The following KCNAB1 variants were observed in gnomAD, a reference collection of about 807,000 sequenced individuals.
KCNAB1 encodes the protein potassium voltage-gated channel subfamily A regulatory beta subunit 1.
In KCNAB1, 35 loss-of-function variants were observed where a neutral mutation model predicts 64.6. That is an observed-to-expected ratio of 0.54 (90% CI 0.41 to 0.72). The LOEUF (loss-of-function observed/expected upper bound fraction) is 0.72. Ranked by LOEUF, KCNAB1 falls within the 30% of genes least tolerant of loss-of-function variation. KCNAB1 has a pLI of 0.00. For missense variants in KCNAB1, 401 were observed against 512.9 expected (o/e 0.78, Z 2.11); for synonymous variants, 177 against 183.8 (o/e 0.96, Z 0.30).
intron 2 of KCNAB1, among the ~76,000 whole-genome samples, chr3:156,443,206 G>A (rs754725222): frequency 2.6e-5 from 4 of 152,004 alleles, no homozygotes; most frequent in East Asian, 1.9e-4. Flanking sequence ...TCTCACCGCC[G>A]CCCCCTCAAC....
intron 2 of KCNAB1, among the ~76,000 whole-genome samples, chr3:156,440,569 T>C (rs1381047205): frequency 6.6e-6 from 1 of 152,254 alleles, no homozygotes; most frequent in African/African-American, 2.4e-5. Flanking sequence ...TGATTTACTA[T>C]TGCTCCATTT....
intron 1 of KCNAB1, among the ~76,000 whole-genome samples, chr3:156,148,663 C>G (rs1484189809): frequency 6.6e-6 from 1 of 152,186 alleles, no homozygotes; most frequent in African/African-American, 2.4e-5. Context: ...GCATGGGAAC[C>G]TAAGTGCTCC....
chr3:156,179,411 T>G (rs1305696521), intron 1 of KCNAB1, among the ~76,000 whole-genome samples: 1 of 148,062 alleles, frequency 6.8e-6, no homozygotes, highest in Non-Finnish European at 1.5e-5. Context: ...ATTCCCTGGT[T>G]TGGAACCCCC....
rs201442431 is a variant in KCNAB1, at chr3:156,127,920, C to T, written c.275+7034C>T. 1.3e-4 allele frequency among the ~76,000 whole-genome samples: 9 copies of T among 67,802 alleles called. No homozygotes were observed. The South Asian group carries it at 2.1e-3, about 16-fold the overall frequency. 44.5% of individuals were successfully genotyped at this position (67,802 alleles called of 152,430 possible). On this transcript the variant is annotated intron_variant, in intron 1 of 13. Coordinates refer to ENST00000490337, the MANE Select transcript of KCNAB1 (RefSeq NM_172160.3). Reference sequence around the variant, plus strand: ...GTGTGTGTGTGTGTGTGTGTGTGTGCACGTGCGTGCGCACCTGGTTTCTTC... The same window carrying T: ...GTGTGTGTGTGTGTGTGTGTGTGTGTACGTGCGTGCGCACCTGGTTTCTTC...
At chr3:156,141,808 G>T (rs966213493) in intron 1 of KCNAB1, among the ~76,000 whole-genome samples, 1 of 152,210 alleles carries the variant, frequency 6.6e-6, no homozygotes, top group Non-Finnish European at 1.5e-5. Context: ...GTGTCATATA[G>T]TAAGTTTGGA....
chr3:156,230,942 C>T (rs1716484719), intron 1 of KCNAB1, among the ~76,000 whole-genome samples: 1 of 152,334 alleles, frequency 6.6e-6, no homozygotes, highest in South Asian at 2.1e-4. Flanking sequence ...AAACAGCCTT[C>T]AGCCTCCCTC....
intron 1 of KCNAB1, among the ~76,000 whole-genome samples, chr3:156,214,297 C>T (rs1330110859): frequency 6.6e-6 from 1 of 152,102 alleles, no homozygotes; most frequent in Non-Finnish European, 1.5e-5. Flanking sequence ...GTCTGGGGAA[C>T]TGCTACTTAT....
chr3:156,511,754 GCA>G (rs1227325618), intron 8 of KCNAB1, among the ~76,000 whole-genome samples: 1 of 152,134 alleles, frequency 6.6e-6, no homozygotes. Context: ...ATTCTCCACA[GCA>G]CAGAGACTGT....
At chr3:156,330,183 T>C (rs1490210711) in intron 1 of KCNAB1, among the ~76,000 whole-genome samples, 1 of 152,178 alleles carries the variant, frequency 6.6e-6, no homozygotes, top group Non-Finnish European at 1.5e-5. Flanking sequence ...AAATTGGACT[T>C]TCTATGGCTT....
chr3:156,218,622 C>T (rs1306125604), intron 1 of KCNAB1, among the ~76,000 whole-genome samples: 4 of 151,444 alleles, frequency 2.6e-5, no homozygotes, highest in African/African-American at 9.7e-5. Flanking sequence ...AACCAAGGAC[C>T]CTTACAGAGT....
chr3:156,241,819 T>C (rs1717179438), intron 1 of KCNAB1, among the ~76,000 whole-genome samples: 1 of 152,210 alleles, frequency 6.6e-6, no homozygotes, highest in Non-Finnish European at 1.5e-5. Context: ...CTTTCCAGTG[T>C]CTAAGAAAAG....
chr3:156,123,618 CAATCT>C (rs1387380666), intron 1 of KCNAB1, among the ~76,000 whole-genome samples: 1 of 152,152 alleles, frequency 6.6e-6, no homozygotes, highest in Non-Finnish European at 1.5e-5. Flanking sequence ...TATAATGAAA[CAATCT>C]AATATACTTT....
Position 156,120,743 on chromosome 3 carries a change from C to G in KCNAB1, c.132C>G (p.Asp44Glu). The G allele has an allele frequency of 6.2e-7, 1 of 1,614,244 alleles. No individual in the cohort carries two copies. The highest frequency in any genetic ancestry group is 8.5e-7 in the Non-Finnish European group (1 of 1,180,046). Residue 44 changes from aspartate to glutamate, a missense_variant, in exon 1 of 14, where the codon GAC becomes GAG. Transcript: ENST00000490337. The stretch of plus-strand genomic sequence containing the variant: ...AGAAAGCCTCAGAAAACGCTAAAGA[C>G]AGCAGCCTTAGTCCCTCAGGGGAAA... The part of the protein sequence containing the change: ...SPKKASENAK[D>E]SSLSPSGESQ...
chr3:156,490,566 G>T (rs1268674215), intron 8 of KCNAB1, among the ~76,000 whole-genome samples: 1 of 151,982 alleles, frequency 6.6e-6, no homozygotes, highest in East Asian at 1.9e-4. Context: ...ACTAGAAAAA[G>T]ATTTTACATA....
intron 1 of KCNAB1, among the ~76,000 whole-genome samples, chr3:156,329,828 C>T (rs1723217564): frequency 6.6e-6 from 1 of 152,234 alleles, no homozygotes; most frequent in South Asian, 2.1e-4. Context: ...TGAATATCTT[C>T]CATTAATTCC....
At chr3:156,458,018 G>A (rs565547797) in intron 4 of KCNAB1, among the ~76,000 whole-genome samples, 1 of 152,086 alleles carries the variant, frequency 6.6e-6, no homozygotes, top group African/African-American at 2.4e-5. Flanking sequence ...TGAACTGCCT[G>A]TCCCTACACT....
intron 1 of KCNAB1, among the ~76,000 whole-genome samples, chr3:156,262,681 C>G (rs192054778): frequency 6.6e-6 from 1 of 151,588 alleles, no homozygotes; most frequent in African/African-American, 2.4e-5. Context: ...AAAATAATAC[C>G]TTAAAGAAGA....
At chr3:156,286,462 C>G (rs1415125059) in intron 1 of KCNAB1, among the ~76,000 whole-genome samples, 1 of 152,102 alleles carries the variant, frequency 6.6e-6, no homozygotes, top group African/African-American at 2.4e-5. Flanking sequence ...GTTTTCTGTC[C>G]CCTGTTGGCT....
At chr3:156,336,789 T>C (rs559088912) in intron 1 of KCNAB1, among the ~76,000 whole-genome samples, 1 of 152,324 alleles carries the variant, frequency 6.6e-6, no homozygotes, top group East Asian at 1.9e-4. Context: ...CTGAACCAGT[T>C]GTGGAGTTTG....
Sources: allele counts gnomAD v4.1 joint callset (sites outside exome capture counted in the v4.1 genomes callset), GRCh38; gene constraint gnomAD v4.1.1; transcripts MANE v1.5; gene names NCBI Gene and HGNC (gene_info 2026-07-23, HGNC 2026-07-21).